Variants in PDE4D observed in about 807,000 individuals in gnomAD.
PDE4D encodes 3',5'-cyclic-AMP phosphodiesterase 4D.
Under a neutral mutation model 87.4 loss-of-function variants are expected in PDE4D, and 24 were observed. The ratio of observed to expected loss-of-function variants is 0.27; its 90% CI spans 0.20 to 0.39. PDE4D has a LOEUF of 0.39. Among genes scored for constraint, PDE4D ranks in the 10% least tolerant of loss-of-function variants. PDE4D has a pLI of 1.00. For missense variants in PDE4D, 714 were observed against 1,041.0 expected (o/e 0.69, Z 4.32); for synonymous variants, 384 against 383.2 (o/e 1.00, Z -0.02).
At chr5:59,578,120 G>A (rs1397909684) in intron 1 of PDE4D, among the ~76,000 whole-genome samples, 2 of 152,128 alleles carry the variant, frequency 1.3e-5, no homozygotes, top group African/African-American at 2.4e-5. Flanking sequence ...AGGGAGCAAA[G>A]CTGAATCATT....
intron 1 of PDE4D, among the ~76,000 whole-genome samples, chr5:59,745,106 C>T (rs937457505): frequency 5.9e-5 from 9 of 152,122 alleles, no homozygotes; most frequent in Non-Finnish European, 1.3e-4. Flanking sequence ...GCTTTCACAT[C>T]TCATGCTTTC....
At chr5:59,357,201 G>A (rs1369628340) in intron 1 of PDE4D, among the ~76,000 whole-genome samples, 6 of 152,058 alleles carry the variant, frequency 3.9e-5, no homozygotes, top group Admixed American at 1.3e-4. Flanking sequence ...ACACACACAC[G>A]CATGCACACA....
chr5:59,541,323 T>G (rs1583045556), intron 1 of PDE4D, among the ~76,000 whole-genome samples: 1 of 152,188 alleles, frequency 6.6e-6, no homozygotes, highest in Non-Finnish European at 1.5e-5. Flanking sequence ...ATAAATTAAA[T>G]GTTATCAAAA....
At chr5:59,458,523 T>A (rs1170883893) in intron 1 of PDE4D, among the ~76,000 whole-genome samples, 1 of 152,176 alleles carries the variant, frequency 6.6e-6, no homozygotes, top group Non-Finnish European at 1.5e-5. Context: ...ATCTGCTTTG[T>A]TTGTTCTCTC....
chr5:59,056,244 A>T (rs2153408024), intron 5 of PDE4D, among the ~76,000 whole-genome samples: 1 of 152,218 alleles, frequency 6.6e-6, no homozygotes, highest in East Asian at 1.9e-4. Flanking sequence ...TGCACAAAAC[A>T]GTCTTTTCTT....
chr5:59,554,899 G>T (rs1344444191), intron 1 of PDE4D, among the ~76,000 whole-genome samples: 1 of 152,130 alleles, frequency 6.6e-6, no homozygotes, highest in Non-Finnish European at 1.5e-5. Flanking sequence ...CTTCCAAGGG[G>T]GTTGGGGGTG....
intron 1 of PDE4D, among the ~76,000 whole-genome samples, chr5:59,500,597 G>T (rs1263173067): frequency 6.6e-6 from 1 of 151,992 alleles, no homozygotes; most frequent in African/African-American, 2.4e-5. Flanking sequence ...AACAACTGAG[G>T]ATTCCAAAAG....
intron 1 of PDE4D, among the ~76,000 whole-genome samples, chr5:60,441,596 TTAAAC>T (rs1745218554): frequency 6.6e-6 from 1 of 152,096 alleles, no homozygotes. Flanking sequence ...TGGGATCTAA[TTAAAC>T]TAAAGAGCTT....
rs540667453 is a variant in PDE4D, at chr5:60,386,496, G to A, written c.-90+101446C>T. Reference sequence around the variant, plus strand: ...AGATACTCCTAAAAGGAAGAAACACGTGTTGTAATTGCCCTCCTAAGACTC... The same window carrying A: ...AGATACTCCTAAAAGGAAGAAACACATGTTGTAATTGCCCTCCTAAGACTC... On this transcript the variant is annotated intron_variant, in intron 1 of 16. Transcript: ENST00000502484. Among the ~76,000 whole-genome samples the A allele has an allele frequency of 5.9e-5, 9 of 152,278 alleles. No homozygotes were observed. In the East Asian group the frequency reaches 1.5e-3, roughly 26 times the overall value.
chr5:59,077,475 C>CTTCTT (rs1554063108), intron 5 of PDE4D, among the ~76,000 whole-genome samples: 3 of 130,956 alleles, frequency 2.3e-5, no homozygotes, highest in South Asian at 4.8e-4. Context: ...TTTTTTTCTT[C>CTTCTT]TTTTTTTTTT....
rs12655616 is a variant in PDE4D, at chr5:59,672,658, T to G, written c.455+220510A>C. On this transcript the variant is annotated intron_variant, in intron 1 of 14. Coordinates refer to ENST00000340635, the MANE Select transcript of PDE4D (RefSeq NM_001104631.2). Reference sequence around the variant, plus strand: ...TGTTTCTAAGTCCACAAAAGGAAACTTCAACTTGATGTAATACAAAAAGTC... The same window carrying G: ...TGTTTCTAAGTCCACAAAAGGAAACGTCAACTTGATGTAATACAAAAAGTC... 2.0e-3 allele frequency among the ~76,000 whole-genome samples: 309 copies of G among 152,322 alleles called. 4 individuals carry two copies. In the East Asian group the frequency reaches 0.055, roughly 27 times the overall value.
chr5:59,572,269 A>T (rs921001226), intron 1 of PDE4D, among the ~76,000 whole-genome samples: 1 of 152,218 alleles, frequency 6.6e-6, no homozygotes, highest in African/African-American at 2.4e-5. Flanking sequence ...TAGTGCTATA[A>T]TGGGCTATAA....
At chr5:60,515,644 C>T (rs192662310) in intron 1 of PDE4D, among the ~76,000 whole-genome samples, 7 of 136,166 alleles carry the variant, frequency 5.1e-5, no homozygotes, top group Non-Finnish European at 9.1e-5. Context: ...AGAGGCAGTG[C>T]CTCAAAATAA....
At chr5:60,271,849 G>A (rs1480329143) in intron 1 of PDE4D, among the ~76,000 whole-genome samples, 2 of 152,170 alleles carry the variant, frequency 1.3e-5, no homozygotes, top group Non-Finnish European at 2.9e-5. Flanking sequence ...ATGGCACACA[G>A]TATTGAGAAT....
chr5:59,726,786 GTTC>G (rs796872278), intron 1 of PDE4D, among the ~76,000 whole-genome samples: 14 of 152,130 alleles, frequency 9.2e-5, no homozygotes, highest in African/African-American at 2.9e-4. Context: ...TGAAGATATA[GTTC>G]TTCTTATTCA....
chr5:59,762,642 ATATGTGTATATGTGTATATAGGTACG>A (rs1477031553), intron 1 of PDE4D, among the ~76,000 whole-genome samples: 4 of 136,320 alleles, frequency 2.9e-5, no homozygotes, highest in Admixed American at 1.5e-4. Context: ...ATGGGTACAC[ATATGTGTATATGTGTATATAGGTACG>A]TATGTGTATA....
At chr5:59,597,702 C>T (rs1336866754) in intron 1 of PDE4D, among the ~76,000 whole-genome samples, 1 of 152,010 alleles carries the variant, frequency 6.6e-6, no homozygotes, top group Admixed American at 6.6e-5. Context: ...TGTATTTAAA[C>T]TAGAACCCAA....
intron 2 of PDE4D, among the ~76,000 whole-genome samples, chr5:60,081,846 A>G (rs777543274): frequency 5.3e-5 from 8 of 152,150 alleles, no homozygotes; most frequent in Non-Finnish European, 1.2e-4. Context: ...GTCCCTCTGG[A>G]CAATTCCTCA....
intron 1 of PDE4D, among the ~76,000 whole-genome samples, chr5:60,212,952 T>C (rs1166059555): frequency 6.6e-6 from 1 of 152,232 alleles, no homozygotes; most frequent in Admixed American, 6.5e-5. Flanking sequence ...CGTTCTTCCC[T>C]TGACCCCGTG....
Sources: allele counts gnomAD v4.1 joint callset (sites outside exome capture counted in the v4.1 genomes callset), GRCh38; gene constraint gnomAD v4.1.1; transcripts MANE v1.5; gene names NCBI Gene and HGNC (gene_info 2026-07-23, HGNC 2026-07-21).